The following ZC3H7B variants were observed in gnomAD, a reference collection of about 807,000 sequenced individuals.
ZC3H7B encodes zinc finger CCCH domain-containing protein 7B.
ZC3H7B carries 35 observed loss-of-function variants against 116.0 expected under a neutral mutation model. That is an observed-to-expected ratio of 0.30 (90% confidence interval 0.23 to 0.40). ZC3H7B has a LOEUF of 0.40. ZC3H7B is among the 10% of genes least tolerant of loss of function. ZC3H7B has a pLI of 1.00. For missense variants in ZC3H7B, 1,011 were observed against 1,321.5 expected (o/e 0.77, Z 3.64); for synonymous variants, 502 against 545.6 (o/e 0.92, Z 1.11).
chr22:41,338,981 C>T lies in ZC3H7B; in HGVS notation c.626-20C>T. On this transcript the variant is annotated intron_variant, in intron 8 of 22. Coordinates refer to ENST00000352645, the MANE Select transcript of ZC3H7B (RefSeq NM_017590.6). The surrounding 1 kb of genome is among the most constrained non-coding windows in gnomAD (Gnocchi z 4.5). The stretch of plus-strand genomic sequence containing the variant: ...CACCAAGCAGTGCTCCCCTTCGGCT[C>T]TTGCCCACCCCATCCGCAGACTGCT... The T allele has an allele frequency of 6.5e-7, 1 of 1,526,972 alleles. No homozygotes were observed. Among genetic ancestry groups the T allele is most frequent in the East Asian group, 2.4e-5 (1 of 42,152 alleles). The allele number at this position is 1,526,972 out of a possible 1,614,324, so 94.6% of individuals were successfully genotyped here.
intron 1 of ZC3H7B, among the ~76,000 whole-genome samples, chr22:41,308,234 T>C (rs1338576428): frequency 6.6e-6 from 1 of 152,040 alleles, no homozygotes; most frequent in Non-Finnish European, 1.5e-5. Context: ...GCAGGGAAGG[T>C]GGGGGCTCTG....
At chr22:41,304,498 C>G (rs1182709854) in intron 1 of ZC3H7B, among the ~76,000 whole-genome samples, 1 of 152,148 alleles carries the variant, frequency 6.6e-6, no homozygotes, top group Non-Finnish European at 1.5e-5. Context: ...TTGCAATTGA[C>G]TTTGTCATTT....
intron 1 of ZC3H7B, among the ~76,000 whole-genome samples, 197 bp from the exon 2 acceptor site, chr22:41,320,458 C>G (rs1569233082): frequency 6.6e-6 from 1 of 151,810 alleles, no homozygotes. Flanking sequence ...ACCACACAAT[C>G]TAGGAGTCCA....
chr22:41,348,011 C>A, intron 14 of ZC3H7B, 56 bp from the exon 15 acceptor site: 1 of 1,492,804 alleles, frequency 6.7e-7, no homozygotes, highest in Non-Finnish European at 9.3e-7. Flanking sequence ...GGGGTCCCAG[C>A]TCACCCCCTT....
chr22:41,319,589 A>C (rs1327120891), intron 1 of ZC3H7B, among the ~76,000 whole-genome samples: 2 of 148,404 alleles, frequency 1.3e-5, no homozygotes, highest in Non-Finnish European at 3.0e-5. Context: ...AAAAAAAAAA[A>C]GGTCAAAGTG....
chr22:41,351,008 T>C lies in ZC3H7B; in HGVS notation c.1949-553T>C, dbSNP rs543571163. On this transcript the variant is annotated intron_variant, in intron 16 of 22. Transcript: ENST00000352645. The surrounding 1 kb of genome is among the most constrained non-coding windows in gnomAD (Gnocchi z 5.1). ...GTGAGCTGGATCTCCAAGGTCGGGC[T>C]CAGTGGCAACAGTCTGAGGCTGGCG... 1.3e-5 allele frequency among the ~76,000 whole-genome samples: 2 copies of C among 152,306 alleles called. No individual in the cohort carries two copies. The highest frequency in any genetic ancestry group is 2.1e-4 in the South Asian group (1 of 4,826).
rs2036311162 is a variant in ZC3H7B, at chr22:41,325,833, A to T, written c.200A>T (p.Asp67Val). The stretch of plus-strand genomic sequence containing the variant: ...TACATGGAAGGGCTGAACGTGGCCG[A>T]CTACGCTGCCTCTGACCAGGTGGCC... ...VQYMEGLNVA[D>V]YAASDQVALP... Residue 67 changes from aspartate to valine, a missense_variant, in exon 4 of 23, where the codon GAC becomes GTC. By Grantham distance (152) the Asp-to-Val change is radical. Coordinates refer to ENST00000352645, the MANE Select transcript of ZC3H7B (RefSeq NM_017590.6). The T allele has an allele frequency of 6.2e-7, 1 of 1,613,090 alleles. No homozygotes were observed. Among genetic ancestry groups the T allele is most frequent in the Non-Finnish European group, 8.5e-7 (1 of 1,179,868 alleles).
At chr22:41,303,283 G>A (rs937250052) in intron 1 of ZC3H7B, among the ~76,000 whole-genome samples, 1 of 152,208 alleles carries the variant, frequency 6.6e-6, no homozygotes, top group African/African-American at 2.4e-5. Context: ...ATGGGAGAGA[G>A]ACTTTGTTGT....
intron 1 of ZC3H7B, among the ~76,000 whole-genome samples, chr22:41,317,097 C>T (rs2036194962): frequency 6.6e-6 from 1 of 152,036 alleles, no homozygotes; most frequent in Admixed American, 6.6e-5. Context: ...CTCAGCCTCC[C>T]AAAGTGCTGG....
At position 41,338,426 on chromosome 22, in the gene ZC3H7B, C is replaced by T; in HGVS notation, c.625+71C>T. The T allele has an allele frequency of 2.0e-6, 3 of 1,528,472 alleles. 1 individual carries two copies. Among genetic ancestry groups the T allele is most frequent in the Middle Eastern group, 3.4e-4 (2 of 5,928 alleles). 94.7% of individuals were successfully genotyped at this position (1,528,472 alleles called of 1,614,324 possible). On this transcript the variant is annotated intron_variant, in intron 8 of 22. Transcript: ENST00000352645. The surrounding 1 kb of genome is among the most constrained non-coding windows in gnomAD (Gnocchi z 4.5). ...GAGGTCAGGGGAGTCGAGCCCCCTC[C>T]CCATCCCAGCCCTGTAGATGGGAGG...
chr22:41,321,708 ATT>A (rs951146429), intron 2 of ZC3H7B, among the ~76,000 whole-genome samples: 3 of 151,348 alleles, frequency 2.0e-5, no homozygotes, highest in African/African-American at 7.3e-5. Flanking sequence ...CCTTATTTCC[ATT>A]TTGCAGATGA....
At chr22:41,306,894 C>T (rs890089729) in intron 1 of ZC3H7B, among the ~76,000 whole-genome samples, 2 of 151,906 alleles carry the variant, frequency 1.3e-5, no homozygotes, top group Non-Finnish European at 2.9e-5. Flanking sequence ...GTGCTGTAGC[C>T]CCAGGCTGGA....
rs575034909 is a variant in ZC3H7B, at chr22:41,337,004, C to T, written c.583-1309C>T. ...TACAAAAATTAGCCAGGCATGGTGG[C>T]GCATGCCTGTAATCCCAGCTACTTG... On this transcript the variant is annotated intron_variant, in intron 7 of 22. Transcript: ENST00000352645. Among the ~76,000 whole-genome samples, 10 of 151,932 alleles carry T rather than the reference C, an allele frequency of 6.6e-5. No individual in the cohort carries two copies. In the East Asian group the frequency reaches 9.7e-4, roughly 15 times the overall value.
At chr22:41,306,253 A>T (rs540487530) in intron 1 of ZC3H7B, among the ~76,000 whole-genome samples, 1 of 152,360 alleles carries the variant, frequency 6.6e-6, no homozygotes, top group South Asian at 2.1e-4. Context: ...GATCAGGATA[A>T]GAAACTCAGA....
Position 41,327,293 on chromosome 22 carries a change from G to T in ZC3H7B, c.373G>T (p.Ala125Ser). 1 of 1,613,874 alleles carries T rather than the reference G, an allele frequency of 6.2e-7. No homozygotes were observed. The highest frequency in any genetic ancestry group is 8.5e-7 in the Non-Finnish European group (1 of 1,180,044). ...SIRALFRKARALNELGRHKEA... is the reference protein window; with the variant it reads ...SIRALFRKARSLNELGRHKEA... ...CCGGGCGTTGTTCCGCAAGGCACGC[G>T]CTCTCAATGAACTGGGACGCCACAA... Residue 125 changes from alanine to serine, a missense_variant, in exon 5 of 23, where the codon GCT (alanine) becomes TCT (serine). Transcript: ENST00000352645. This position sits in a 1 kb window ranked among gnomAD's most constrained non-coding sequence, Gnocchi z 4.5.
At chr22:41,316,755 A>C (rs956618344) in intron 1 of ZC3H7B, among the ~76,000 whole-genome samples, 19 of 151,522 alleles carry the variant, frequency 1.3e-4, no homozygotes, top group Non-Finnish European at 2.5e-4. Flanking sequence ...GCTCACTGCA[A>C]CCTCTGCCTC....
At chr22:41,355,883 C>T in intron 19 of ZC3H7B, 21 bp downstream of exon 19, 1 of 1,612,392 alleles carries the variant, frequency 6.2e-7, no homozygotes, top group Non-Finnish European at 8.5e-7. Flanking sequence ...GGATGGGGGG[C>T]TGGGGGTCCC....
At chr22:41,333,821 T>C (rs1179975602) in intron 7 of ZC3H7B, 2 of 152,196 alleles carry the variant, frequency 1.3e-5, no homozygotes, top group Non-Finnish European at 2.9e-5. Context: ...ATTAGGACAT[T>C]AGGCAGATCA....
intron 1 of ZC3H7B, 123 bp from the exon 2 acceptor site, chr22:41,320,532 C>T (rs1036952528): frequency 2.7e-5 from 31 of 1,142,018 alleles, no homozygotes; most frequent in South Asian, 1.1e-4. Flanking sequence ...ACACGCCTCC[C>T]GACATGGGGA....
Sources: gnomAD v4.1 joint callset for allele counts (sites outside exome capture counted in the v4.1 genomes callset) on GRCh38, gnomAD v4.1.1 for gene constraint, Gnocchi (gnomAD v3.1) non-coding constraint, MANE v1.5 for transcripts, NCBI Gene and HGNC (gene_info 2026-07-23, HGNC 2026-07-21) for gene names.